ANK3: variants seen among roughly 807,000 people sequenced by gnomAD.
ANK3 encodes ankyrin 3, also known as ankyrin-3.
A neutral mutation model predicts 370.9 loss-of-function variants in ANK3; 57 were observed. That is an observed-to-expected ratio of 0.15 (90% confidence interval 0.12 to 0.19). The LOEUF (loss-of-function observed/expected upper bound fraction) is 0.19, where lower values mean the gene tolerates loss of function less well. ANK3 is among the 10% of genes least tolerant of loss of function. The pLI is 1.00. For synonymous variants in ANK3, 1,929 were observed against 1,946.3 expected (o/e 0.99, Z 0.23); for missense variants, 4,439 against 5,302.1 (o/e 0.84, Z 5.06).
intron 16 of ANK3, among the ~76,000 whole-genome samples, chr10:60,191,154 C>T (rs972201974): frequency 1.3e-5 from 2 of 152,058 alleles, no homozygotes; most frequent in African/African-American, 4.8e-5. Context: ...ATAAGAAAAA[C>T]TCTTTTGGGC....
intron 2 of ANK3, among the ~76,000 whole-genome samples, chr10:60,585,062 G>T (rs1295596033): frequency 6.6e-6 from 1 of 152,190 alleles, no homozygotes; most frequent in Non-Finnish European, 1.5e-5. Context: ...TTCTGATCCT[G>T]TGACAGTCCC....
intron 1 of ANK3, among the ~76,000 whole-genome samples, chr10:60,708,028 C>T (rs1195244125): frequency 6.6e-6 from 1 of 152,344 alleles, no homozygotes; most frequent in Non-Finnish European, 1.5e-5. Flanking sequence ...CTCCTCCCCA[C>T]TGCAAAGGAC....
chr10:60,469,066 T>A (rs1174530152), intron 2 of ANK3, among the ~76,000 whole-genome samples: 1 of 646 alleles, frequency 1.5e-3, no homozygotes, highest in African/African-American at 3.9e-3. Flanking sequence ...CCACTTTTAG[T>A]ATATATATAT....
chr10:60,536,536 A>G (rs1327024656), intron 2 of ANK3, among the ~76,000 whole-genome samples: 9 of 152,106 alleles, frequency 5.9e-5, no homozygotes, highest in Non-Finnish European at 1.2e-4. Context: ...AATAGTCTAC[A>G]TGATCAAGGA....
At chr10:60,217,524 A>G (rs187181535) in intron 8 of ANK3, among the ~76,000 whole-genome samples, 6 of 152,206 alleles carry the variant, frequency 3.9e-5, no homozygotes, top group South Asian at 2.1e-4. Flanking sequence ...TTTACCCAGG[A>G]GTCATTCAGG....
intron 2 of ANK3, among the ~76,000 whole-genome samples, chr10:60,450,334 T>C (rs1425025168): frequency 2.0e-5 from 3 of 152,122 alleles, no homozygotes; most frequent in South Asian, 4.1e-4. Context: ...AAGCTCTGAT[T>C]TGCGGTGTTT....
At chr10:60,125,537 C>T (rs548222076) in intron 25 of ANK3, among the ~76,000 whole-genome samples, 502 of 152,288 alleles carry the variant, frequency 3.3e-3, no homozygotes, top group African/African-American at 0.012. Context: ...GTCAAAGATG[C>T]CTATCTTCTA....
chr10:60,126,131 T>C (rs1369263837), intron 25 of ANK3, among the ~76,000 whole-genome samples: 2 of 152,186 alleles, frequency 1.3e-5, no homozygotes. Flanking sequence ...ATAGTCTAGT[T>C]AAGTCTTCTA....
chr10:60,210,206 T>C (rs1488015737), intron 9 of ANK3, among the ~76,000 whole-genome samples: 1 of 152,190 alleles, frequency 6.6e-6, no homozygotes, highest in Non-Finnish European at 1.5e-5. Context: ...GCTTTCATTC[T>C]ATTGAAGAGA....
intron 1 of ANK3, among the ~76,000 whole-genome samples, chr10:60,281,085 A>AC (rs202214172): frequency 0.014 from 2,159 of 152,172 alleles, 20 homozygotes; most frequent in Middle Eastern, 0.034. Flanking sequence ...AGAAAATTCT[A>AC]CCCCTCAGAA....
At chr10:60,436,852 T>C (rs969797187) in intron 2 of ANK3, among the ~76,000 whole-genome samples, 1 of 152,228 alleles carries the variant, frequency 6.6e-6, no homozygotes, top group Non-Finnish European at 1.5e-5. Flanking sequence ...CGGTGTCACA[T>C]CAACACAATC....
intron 18 of ANK3, among the ~76,000 whole-genome samples, chr10:60,177,315 C>T (rs1381096883): frequency 1.3e-5 from 2 of 152,114 alleles, no homozygotes; most frequent in African/African-American, 4.8e-5. Flanking sequence ...GTGATGATTC[C>T]GAAATCTGCA....
At chr10:60,295,995 G>A (rs901191072) in intron 1 of ANK3, among the ~76,000 whole-genome samples, 2 of 152,134 alleles carry the variant, frequency 1.3e-5, no homozygotes, top group Non-Finnish European at 2.9e-5. Flanking sequence ...ACACCCAGGG[G>A]TTCTTGATTG....
intron 16 of ANK3, among the ~76,000 whole-genome samples, chr10:60,195,804 A>C (rs1489831453): frequency 6.6e-6 from 1 of 151,820 alleles, no homozygotes; most frequent in Admixed American, 6.5e-5. Flanking sequence ...GGCCAGAAAA[A>C]TGTAACACAT....
chr10:60,083,986 A>G (rs925692964), intron 32 of ANK3: 1 of 166,216 alleles, frequency 6.0e-6, no homozygotes, highest in African/African-American at 2.4e-5. Flanking sequence ...AAGGAAAATC[A>G]TAGTAATGTG....
chr10:60,198,249 T>C, intron 14 of ANK3, 91 bp downstream of exon 14: 1 of 1,282,162 alleles, frequency 7.8e-7, no homozygotes, highest in South Asian at 1.3e-5. Context: ...TAGATGCTGT[T>C]GTGCAGCTTC....
At chr10:60,468,163 T>C (rs2065052447) in intron 2 of ANK3, among the ~76,000 whole-genome samples, 1 of 151,980 alleles carries the variant, frequency 6.6e-6, no homozygotes, top group African/African-American at 2.4e-5. Context: ...TTTGTATTTT[T>C]AGTAGTGATG....
chr10:60,172,217 G>C (rs1189671042), intron 21 of ANK3, 91 bp downstream of exon 21: 74 of 994,940 alleles, frequency 7.4e-5, no homozygotes, highest in Non-Finnish European at 2.7e-5. Flanking sequence ...CTTAGTTTAT[G>C]AATGGGAAAA....
Position 60,430,078 on chromosome 10 carries a change from T to C in ANK3, c.97-150439A>G, listed in dbSNP as rs72806183. Among the ~76,000 whole-genome samples, 1,249 of 152,348 alleles carry C rather than the reference T, an allele frequency of 8.2e-3. 7 individuals are homozygous for C. Among genetic ancestry groups the C allele is most frequent in the African/African-American group, 0.011 (473 of 41,574 alleles). ...ATATTTTTGGAAATTTTACTTGAGC[T>C]TTTTTATCTGGCTCATCAAAAAATA... On this transcript the variant is annotated intron_variant, in intron 2 of 43. Transcript: ENST00000373827.
Sources: allele counts gnomAD v4.1 joint callset (sites outside exome capture counted in the v4.1 genomes callset), GRCh38; gene constraint gnomAD v4.1.1; transcripts MANE v1.5; gene names NCBI Gene and HGNC (gene_info 2026-07-23, HGNC 2026-07-21).